The following VTCN1 variants were observed in gnomAD, a reference collection of about 807,000 sequenced individuals.
VTCN1 encodes V-set domain containing T cell activation inhibitor 1.
A neutral mutation model predicts 26.5 loss-of-function variants in VTCN1; 26 were observed. That is an observed-to-expected ratio of 0.98 (90% CI 0.72 to 1.36). The LOEUF is 1.36. VTCN1 is among the 40% of genes most tolerant of loss of function. The probability of loss-of-function intolerance (pLI) is 0.00; values close to 1 mark genes in which losing one functional copy is unlikely to be tolerated. For synonymous variants in VTCN1, 116 were observed against 130.7 expected (o/e 0.89, Z 0.77); for missense variants, 298 against 337.7 (o/e 0.88, Z 0.92).
At chr1:117,189,538 C>T (rs994990316) in intron 1 of VTCN1, among the ~76,000 whole-genome samples, 1 of 152,116 alleles carries the variant, frequency 6.6e-6, no homozygotes, top group Non-Finnish European at 1.5e-5. Context: ...GATCTGAAGC[C>T]CTGCAGAGGT....
Position 117,153,347 on chromosome 1 carries a change from A to G in VTCN1, c.468T>C (p.Asn156=). Residue 156 remains asparagine, a synonymous_variant, in exon 4 of 6, where the codon AAT becomes AAC. Transcript: ENST00000369458. ...TCTCTGAGCTGGCATTATAGTCCACATTCACTTCCGGCATGCTGAAGGCTG... is the reference window on the plus strand; with the variant it reads ...TCTCTGAGCTGGCATTATAGTCCACGTTCACTTCCGGCATGCTGAAGGCTG... ...KTGAFSMPEV[N]VDYNASSETL... 1.2e-6 allele frequency: 2 copies of G among 1,610,096 alleles called. No homozygotes were observed. The highest frequency in any genetic ancestry group is 1.7e-6 in the Non-Finnish European group (2 of 1,176,724).
At chr1:117,162,447 T>C (rs1652414878) in intron 2 of VTCN1, among the ~76,000 whole-genome samples, 1 of 152,152 alleles carries the variant, frequency 6.6e-6, no homozygotes, top group Non-Finnish European at 1.5e-5. Context: ...GAGATTCTTT[T>C]TTTTTTATTT....
intron 1 of VTCN1, among the ~76,000 whole-genome samples, chr1:117,196,416 A>T (rs576743695): frequency 6.6e-6 from 1 of 151,306 alleles, no homozygotes; most frequent in Non-Finnish European, 1.5e-5. Context: ...AGAGAGAGAG[A>T]GAGAGAGACG....
intron 2 of VTCN1, among the ~76,000 whole-genome samples, chr1:117,165,452 G>A (rs1261664290): frequency 6.6e-6 from 1 of 152,136 alleles, no homozygotes; most frequent in African/African-American, 2.4e-5. Context: ...AGGTGTGTGG[G>A]TCATTGGGGC....
chr1:117,197,929 C>A (rs1648597657), intron 1 of VTCN1, among the ~76,000 whole-genome samples: 1 of 152,110 alleles, frequency 6.6e-6, no homozygotes, highest in South Asian at 2.1e-4. Context: ...CATGAGAAAG[C>A]AAAAGGCTTG....
rs2101561107 is a variant in VTCN1, at chr1:117,183,421, T to C, written c.33-13250A>G. ...AGAGAAACTAACACATTCTTAACTT[T>C]TGAGAAACCATTTATGGGAGAAATG... On this transcript the variant is annotated intron_variant, in intron 1 of 5. Transcript: ENST00000369458. The surrounding 1 kb of genome is among the most constrained non-coding windows in gnomAD (Gnocchi z 4.1). 6.6e-6 allele frequency among the ~76,000 whole-genome samples: 1 copy of C among 152,350 alleles called. No homozygotes were observed. The highest frequency in any genetic ancestry group is 2.1e-4 in the South Asian group (1 of 4,826).
At chr1:117,210,791 A>G (rs1400020495) in intron 1 of VTCN1, 33 bp downstream of exon 1, 1 of 1,610,768 alleles carries the variant, frequency 6.2e-7, no homozygotes, top group Non-Finnish European at 8.5e-7. Context: ...TGTTCCCTTC[A>G]CCCATAAGGA....
rs902797300 is a variant in VTCN1 at position 117,159,368 on chromosome 1, A to T, written c.98-2447T>A. Among the ~76,000 whole-genome samples the T allele has an allele frequency of 5.3e-5, 8 of 152,244 alleles. No individual in the cohort carries two copies. The highest frequency in any genetic ancestry group is 1.7e-4 in the African/African-American group (7 of 41,464). Reference sequence around the variant, plus strand: ...GCAGTGGCAAGAGAAAATGAGAAAGATGCAAAAGCAGAAACCCCTGATAAA... The same window carrying T: ...GCAGTGGCAAGAGAAAATGAGAAAGTTGCAAAAGCAGAAACCCCTGATAAA... On this transcript the variant is annotated intron_variant, in intron 2 of 5. Coordinates refer to ENST00000369458, the MANE Select transcript of VTCN1 (RefSeq NM_024626.4). The surrounding 1 kb of genome is among the most constrained non-coding windows in gnomAD (Gnocchi z 4.7).
chr1:117,167,929 T>A lies in VTCN1; in HGVS notation c.97+2178A>T, dbSNP rs1228588670. ...ACAATACCTTATAAATCTATTTTAG[T>A]ATATGAGAGAGAGAGAAAGAGAGAG... On this transcript the variant is annotated intron_variant, in intron 2 of 5. Transcript: ENST00000369458. The surrounding 1 kb of genome is among the most constrained non-coding windows in gnomAD (Gnocchi z 4.1). 1.3e-5 allele frequency among the ~76,000 whole-genome samples: 2 copies of A among 151,052 alleles called. No homozygotes were observed. The highest frequency in any genetic ancestry group is 2.9e-5 in the Non-Finnish European group (2 of 67,840).
chr1:117,153,439 G>T (rs530288231), intron 3 of VTCN1, 70 bp from the exon 4 acceptor site: 3 of 1,489,890 alleles, frequency 2.0e-6, no homozygotes, highest in African/African-American at 1.4e-5. Context: ...CCTTTGAAGC[G>T]CTAGGCCTTA....
intron 1 of VTCN1, among the ~76,000 whole-genome samples, chr1:117,172,646 C>A (rs996748394): frequency 2.0e-5 from 3 of 152,178 alleles, no homozygotes; most frequent in Non-Finnish European, 2.9e-5. Flanking sequence ...TGTGTCCCCC[C>A]CCACATTCAC....
intron 1 of VTCN1, chr1:117,203,851 A>G (rs1648912873): frequency 1.1e-6 from 1 of 917,582 alleles, no homozygotes; most frequent in Admixed American, 6.2e-5. Context: ...TGCCCCCAGA[A>G]TTTCTGATTC....
At chr1:117,182,808 T>A (rs913196963) in intron 1 of VTCN1, among the ~76,000 whole-genome samples, 2 of 152,170 alleles carry the variant, frequency 1.3e-5, no homozygotes, top group Non-Finnish European at 2.9e-5. Flanking sequence ...CTTAGTTTTC[T>A]TCTATAGATT....
At chr1:117,171,788 C>T (rs1301669906) in intron 1 of VTCN1, among the ~76,000 whole-genome samples, 1 of 152,166 alleles carries the variant, frequency 6.6e-6, no homozygotes, top group Non-Finnish European at 1.5e-5. Flanking sequence ...GGAGATTAAG[C>T]ATCTTCCCTA....
At chr1:117,156,513 A>G in intron 3 of VTCN1, 61 bp downstream of exon 3, 1 of 1,459,074 alleles carries the variant, frequency 6.9e-7, no homozygotes, top group Non-Finnish European at 9.2e-7. Flanking sequence ...TAAGCAACTC[A>G]TAATCTTTAG....
intron 1 of VTCN1, among the ~76,000 whole-genome samples, chr1:117,194,254 C>T (rs1017312181): frequency 4.6e-5 from 7 of 151,882 alleles, no homozygotes; most frequent in African/African-American, 9.7e-5. Flanking sequence ...AAATGGCTAA[C>T]GGGCAAATGA....
intron 4 of VTCN1, among the ~76,000 whole-genome samples, chr1:117,150,542 G>A (rs1167093935): frequency 6.6e-6 from 1 of 152,168 alleles, no homozygotes; most frequent in African/African-American, 2.4e-5. Flanking sequence ...AACCAGGATA[G>A]TTGCCAATTT....
In VTCN1 at chr1:117,147,805, T is replaced by G. The variant is rs754090679; in HGVS notation, c.725-23A>C. ...ATTCTGTGAAGTGAGAGAAAAAGTT[T>G]AGGGTCATACAGGAGAAGCTGGATG... On this transcript the variant is annotated intron_variant, in intron 4 of 5. Coordinates refer to ENST00000369458, the MANE Select transcript of VTCN1 (RefSeq NM_024626.4). This position sits in a 1 kb window ranked among gnomAD's most constrained non-coding sequence, Gnocchi z 4.6. 7 of 1,611,544 alleles carry G rather than the reference T, an allele frequency of 4.3e-6. No individual in the cohort carries two copies. Among genetic ancestry groups the G allele is most frequent in the Non-Finnish European group, 4.2e-6 (5 of 1,179,190 alleles).
intron 4 of VTCN1, among the ~76,000 whole-genome samples, chr1:117,150,360 G>A (rs1651724448): frequency 6.6e-6 from 1 of 152,200 alleles, no homozygotes; most frequent in East Asian, 1.9e-4. Context: ...GAATTAAGTA[G>A]AAATGAGAGA....
Sources: gnomAD v4.1 joint callset for allele counts (sites outside exome capture counted in the v4.1 genomes callset) on GRCh38, gnomAD v4.1.1 for gene constraint, Gnocchi (gnomAD v3.1) non-coding constraint, MANE v1.5 for transcripts, NCBI Gene and HGNC (gene_info 2026-07-23, HGNC 2026-07-21) for gene names.